UNC13C: variants seen among roughly 807,000 people sequenced by gnomAD.
UNC13C encodes unc-13 homolog C.
In UNC13C, 174 loss-of-function variants were observed where a neutral mutation model predicts 245.4. That is an observed-to-expected ratio of 0.71 (90% confidence interval 0.63 to 0.80). The LOEUF (loss-of-function observed/expected upper bound fraction) is 0.80. Ranked by LOEUF, UNC13C falls within the 30% of genes least tolerant of loss-of-function variation. The pLI, the probability that UNC13C is intolerant of heterozygous loss-of-function variation, is 0.00. For synonymous variants in UNC13C, 992 were observed against 895.1 expected (o/e 1.11, Z -1.93); for missense variants, 2,829 against 2,602.9 (o/e 1.09, Z -1.89).
Position 54,623,876 on chromosome 15 carries a change from T to C in UNC13C, c.6281T>C (p.Leu2094Pro). 3 of 1,613,256 alleles carry C rather than the reference T, an allele frequency of 1.9e-6. No homozygotes were observed. The highest frequency in any genetic ancestry group is 2.5e-6 in the Non-Finnish European group (3 of 1,179,500). ...GAAGTTTGTATACTGGGACCCAACCTTGGAGACAAGAAGAGAAAACAAGGC... is the reference window on the plus strand; with the variant it reads ...GAAGTTTGTATACTGGGACCCAACCCTGGAGACAAGAAGAGAAAACAAGGC... ...FVEVCILGPN[L>P]GDKKRKQGTK... Residue 2094 changes from leucine to proline, a missense_variant, in exon 32 of 33, where the codon CTT becomes CCT. Leu to Pro is a moderately conservative substitution (Grantham distance 98). Coordinates refer to ENST00000260323, the MANE Select transcript of UNC13C (RefSeq NM_001080534.3).
intron 20 of UNC13C, among the ~76,000 whole-genome samples, chr15:54,499,505 A>G (rs896244426): frequency 4.6e-5 from 7 of 152,186 alleles, no homozygotes; most frequent in Non-Finnish European, 1.0e-4. Flanking sequence ...TTTGCATCAA[A>G]GATGCAAATT....
intron 30 of UNC13C, among the ~76,000 whole-genome samples, chr15:54,608,849 G>C (rs191520622): frequency 1.3e-5 from 2 of 152,212 alleles, no homozygotes; most frequent in South Asian, 2.1e-4. Context: ...TACTGTCCTT[G>C]CTGAATTATG....
rs772654420 is a variant in UNC13C at position 54,627,009 on chromosome 15, G to C, written c.6541G>C (p.Gly2181Arg). The change falls in exon 33 of 33, where the codon GGT (glycine) becomes CGT (arginine). Residue 2181 changes from glycine to arginine, a missense_variant. Transcript: ENST00000260323. ...LLKNISMDET[G>R]LTILRILSQR... ...GAAAAATATCTCTATGGATGAAACT[G>C]GTTTGACTATCCTTAGAATACTCTC... 2 of 1,613,202 alleles carry C rather than the reference G, an allele frequency of 1.2e-6. No homozygotes were observed. Among genetic ancestry groups the C allele is most frequent in the Non-Finnish European group, 1.7e-6 (2 of 1,179,562 alleles).
chr15:53,996,533 T>C (rs556635611), intron 1 of UNC13C, among the ~76,000 whole-genome samples: 1 of 152,168 alleles, frequency 6.6e-6, no homozygotes, highest in Non-Finnish European at 1.5e-5. Context: ...AAGCTTACAA[T>C]TAAAAGAATT....
chr15:54,118,283 A>G (rs2030418318), intron 2 of UNC13C, among the ~76,000 whole-genome samples: 1 of 152,088 alleles, frequency 6.6e-6, no homozygotes, highest in Non-Finnish European at 1.5e-5. Flanking sequence ...CTTCTAATTC[A>G]TGAACATGGA....
At chr15:53,884,678 T>C in the UNC13C span, among the ~76,000 whole-genome samples, 1 of 152,154 alleles carries the variant, frequency 6.6e-6, no homozygotes, top group Non-Finnish European at 1.5e-5. Flanking sequence ...TCCATTCTGC[T>C]CTTTGAATAT....
Position 54,293,179 on chromosome 15 carries a change from A to G in UNC13C, c.3819-716A>G, listed in dbSNP as rs1052492535. On this transcript the variant is annotated intron_variant, in intron 10 of 32. Coordinates refer to ENST00000260323, the MANE Select transcript of UNC13C (RefSeq NM_001080534.3). The stretch of plus-strand genomic sequence containing the variant: ...ATAAGTTGCAGGAAAAGTGATATAC[A>G]TCAGTTTACTTGCAGATTCCTAAAG... 7.9e-5 allele frequency among the ~76,000 whole-genome samples: 12 copies of G among 152,014 alleles called. No homozygotes were observed. The East Asian group carries it at 2.3e-3, about 29-fold the overall frequency.
chr15:54,632,405 C>G (rs1417149626), downstream of UNC13C: 3 of 152,118 alleles, frequency 2.0e-5, no homozygotes, highest in African/African-American at 7.2e-5. Flanking sequence ...GAATTACTTG[C>G]CTCACTCAAG....
chr15:54,322,587 G>A (rs1307491091), intron 14 of UNC13C, among the ~76,000 whole-genome samples: 1 of 151,900 alleles, frequency 6.6e-6, no homozygotes, highest in African/African-American at 2.4e-5. Context: ...AAAACAATCT[G>A]TGCCTAATTA....
intron 30 of UNC13C, among the ~76,000 whole-genome samples, chr15:54,595,235 T>G (rs1326337849): frequency 1.3e-5 from 2 of 152,092 alleles, no homozygotes; most frequent in African/African-American, 4.8e-5. Flanking sequence ...ACCTGTGGAA[T>G]GCCGTTATGC....
intron 1 of UNC13C, among the ~76,000 whole-genome samples, chr15:53,991,719 C>T (rs1211768916): frequency 1.3e-5 from 2 of 152,066 alleles, no homozygotes; most frequent in South Asian, 2.1e-4. Flanking sequence ...GCTGCCACTC[C>T]AATGTTGCAA....
chr15:54,147,278 G>A (rs1389741158), intron 4 of UNC13C, among the ~76,000 whole-genome samples: 1 of 151,158 alleles, frequency 6.6e-6, no homozygotes, highest in Non-Finnish European at 1.5e-5. Flanking sequence ...GGAGTGCAGT[G>A]GCACAATCTC....
intron 10 of UNC13C, among the ~76,000 whole-genome samples, chr15:54,276,590 C>G (rs577250502): frequency 6.6e-6 from 1 of 152,132 alleles, no homozygotes; most frequent in East Asian, 1.9e-4. Flanking sequence ...ATGTCTCAGA[C>G]TTTTGTGAAA....
intron 19 of UNC13C, 115 bp downstream of exon 19, chr15:54,415,182 G>A: frequency 1.4e-6 from 1 of 732,946 alleles, no homozygotes; most frequent in Non-Finnish European, 2.1e-6. Context: ...ACTGTGATCA[G>A]TTTAGTTCTA....
chr15:54,494,495 T>A, intron 19 of UNC13C, 113 bp from the exon 20 acceptor site: 4 of 1,037,218 alleles, frequency 3.9e-6, no homozygotes, highest in Non-Finnish European at 5.2e-6. Flanking sequence ...TACCTTTACA[T>A]CTAATATACT....
intron 19 of UNC13C, among the ~76,000 whole-genome samples, chr15:54,463,595 T>G (rs1596422438): frequency 6.6e-6 from 1 of 151,972 alleles, no homozygotes; most frequent in East Asian, 1.9e-4. Context: ...GCTTCACTCC[T>G]GAAGCCAGCC....
In UNC13C at chr15:54,093,931, G is replaced by A. The variant is rs529780632; in HGVS notation, c.2984-49087G>A. The stretch of plus-strand genomic sequence containing the variant: ...TTACTTCTGTGGCAGTTATGAGAGC[G>A]CACTCCTTGGACTGTGGGGAGCATA... On this transcript the variant is annotated intron_variant, in intron 2 of 32. Coordinates refer to ENST00000260323, the MANE Select transcript of UNC13C (RefSeq NM_001080534.3). Among the ~76,000 whole-genome samples the A allele has an allele frequency of 3.3e-5, 5 of 152,186 alleles. 1 individual carries two copies. Among genetic ancestry groups the A allele is most frequent in the South Asian group, 2.1e-4 (1 of 4,820 alleles).
intron 18 of UNC13C, among the ~76,000 whole-genome samples, chr15:54,396,601 T>C (rs1362596413): frequency 6.6e-6 from 1 of 151,610 alleles, no homozygotes; most frequent in Non-Finnish European, 1.5e-5. Flanking sequence ...ACATACTCTT[T>C]TATTTCTATT....
chr15:54,482,820 A>G (rs1188050777), intron 19 of UNC13C, among the ~76,000 whole-genome samples: 6 of 152,226 alleles, frequency 3.9e-5, no homozygotes, highest in African/African-American at 1.2e-4. Flanking sequence ...AGTCTGACAA[A>G]TATCTCATTA....
Sources: allele counts gnomAD v4.1 joint callset (sites outside exome capture counted in the v4.1 genomes callset), GRCh38; gene constraint gnomAD v4.1.1; transcripts MANE v1.5; gene names NCBI Gene and HGNC (gene_info 2026-07-23, HGNC 2026-07-21).